The following IGFL4 variants were observed in gnomAD, a reference collection of about 807,000 sequenced individuals.
IGFL4 encodes insulin growth factor-like family member 4.
In IGFL4, 12 loss-of-function variants were observed where a neutral mutation model predicts 15.4. The ratio of observed to expected loss-of-function variants is 0.78; its 90% CI spans 0.50 to 1.26. The LOEUF is 1.26. IGFL4 is among the 50% of genes most tolerant of loss of function. IGFL4 has a pLI of 0.00. For synonymous variants in IGFL4, 54 were observed against 55.9 expected (o/e 0.97, Z 0.16); for missense variants, 126 against 147.8 (o/e 0.85, Z 0.76).
At chr19:46,048,945 G>T (rs764029311) in intron 2 of IGFL4, among the ~76,000 whole-genome samples, 13 of 152,008 alleles carry the variant, frequency 8.6e-5, no homozygotes, top group Admixed American at 4.6e-4. Context: ...AACCAAAAAA[G>T]AGCCCAAATA....
chr19:46,062,097 A>G (rs1969450812), intron 1 of IGFL4, among the ~76,000 whole-genome samples: 1 of 152,176 alleles, frequency 6.6e-6, no homozygotes, highest in Non-Finnish European at 1.5e-5. Context: ...TTTCCCAAGG[A>G]GTTCCATGAT....
At chr19:46,057,076 T>C (rs1969400007) in intron 2 of IGFL4, among the ~76,000 whole-genome samples, 2 of 152,208 alleles carry the variant, frequency 1.3e-5, no homozygotes, top group South Asian at 4.1e-4. Flanking sequence ...AAAGTACATC[T>C]GAATATGAGA....
At chr19:46,043,879 A>C (rs573214408), upstream of IGFL4, among the ~76,000 whole-genome samples, 3 of 152,338 alleles carry the variant, frequency 2.0e-5, no homozygotes, top group South Asian at 6.2e-4. Context: ...AGATACAAAA[A>C]ACATTGTCCA....
chr19:46,045,443 C>CA (rs34422465), upstream of IGFL4, among the ~76,000 whole-genome samples: 7,283 of 100,830 alleles, frequency 0.072, 349 homozygotes, highest in African/African-American at 0.12. Context: ...AACTCTGTCT[C>CA]AAAAAAAAAA....
chr19:46,039,581 G>T lies in IGFL4; in HGVS notation c.*311C>A, dbSNP rs892996626. ...CTTTTATTTCCTTGAGCAGTGGTTT[G>T]TAGTTCTCCTTGAAGAGGTCCTTCA... On this transcript the variant is annotated 3_prime_UTR_variant, in exon 4 of 4. Coordinates refer to ENST00000377697, the MANE Select transcript of IGFL4 (RefSeq NM_001002923.3). Among the ~76,000 whole-genome samples, 3 of 144,364 alleles carry T rather than the reference G, an allele frequency of 2.1e-5. No homozygotes were observed. Among genetic ancestry groups the T allele is most frequent in the Admixed American group, 1.4e-4 (2 of 14,222 alleles). 94.7% of individuals were successfully genotyped at this position (144,364 alleles called of 152,430 possible).
upstream of IGFL4, among the ~76,000 whole-genome samples, chr19:46,045,821 A>C (rs907739341): frequency 6.6e-6 from 1 of 152,188 alleles, no homozygotes; most frequent in Non-Finnish European, 1.5e-5. Flanking sequence ...GGAAATTGGA[A>C]CCAAGTTGGA....
At position 46,076,668 on chromosome 19, in the gene IGFL4, T is replaced by TTATAAATACATTATTTATAATAAA. The variant is rs201821557; in HGVS notation, c.-432+328_-432+351dup. Among the ~76,000 whole-genome samples the TTATAAATACATTATTTATAATAAA allele has an allele frequency of 4.7e-3, 691 of 148,140 alleles. 1 individual carries two copies. The highest frequency in any genetic ancestry group is 0.014 in the African/African-American group (578 of 40,752). ...AATATAAATATATTATTTAGTTTTA[T>TTATAAATACATTATTTATAATAAA]TATAAATACATTATTTATAATAAAT... On this transcript the variant is annotated intron_variant, in intron 1 of 5. Transcript: ENST00000601672.
At chr19:46,064,433 T>C (rs1969475706) in intron 1 of IGFL4, among the ~76,000 whole-genome samples, 1 of 152,096 alleles carries the variant, frequency 6.6e-6, no homozygotes, top group African/African-American at 2.4e-5. Flanking sequence ...TAACCATCCC[T>C]CCTACCCTCA....
At chr19:46,063,131 C>A (rs1969461139) in intron 1 of IGFL4, among the ~76,000 whole-genome samples, 1 of 152,104 alleles carries the variant, frequency 6.6e-6, no homozygotes, top group South Asian at 2.1e-4. Flanking sequence ...ACGACCTTTA[C>A]TCATGTATGA....
chr19:46,059,128 G>C (rs141250617), intron 2 of IGFL4: 2 of 152,162 alleles, frequency 1.3e-5, no homozygotes, highest in African/African-American at 4.8e-5. Context: ...CTGTTTTATC[G>C]GCAAGGTCTT....
At chr19:46,063,996 C>T (rs958718644) in intron 1 of IGFL4, among the ~76,000 whole-genome samples, 18 of 151,200 alleles carry the variant, frequency 1.2e-4, no homozygotes, top group South Asian at 2.1e-4. Context: ...CGCTTGAACC[C>T]GGGAGGCGGA....
chr19:46,039,707 G>T lies in IGFL4; in HGVS notation c.*185C>A, dbSNP rs1969216393. The T allele has an allele frequency of 1.9e-6, 1 of 533,374 alleles. No homozygotes were observed. Among genetic ancestry groups the T allele is most frequent in the Admixed American group, 2.7e-5 (1 of 36,830 alleles). 33.0% of individuals were successfully genotyped at this position (533,374 alleles called of 1,614,324 possible). A position where few individuals can be genotyped will look rare whatever the true frequency, so the allele number is the denominator to read the frequency against. On this transcript the variant is annotated 3_prime_UTR_variant, in exon 4 of 4. Transcript: ENST00000377697. ...GGCTCTCTGTTTGTCTGTTGTTGGT[G>T]TATAAGAATGCTTGTGATTTTTGTA...
chr19:46,055,219 C>T (rs1969381891), intron 2 of IGFL4, among the ~76,000 whole-genome samples: 1 of 152,138 alleles, frequency 6.6e-6, no homozygotes, highest in Non-Finnish European at 1.5e-5. Context: ...TTGATAACAG[C>T]AGATTTGTTC....
intron 2 of IGFL4, chr19:46,058,875 G>A (rs1233853260): frequency 1.3e-5 from 2 of 152,164 alleles, no homozygotes; most frequent in Non-Finnish European, 1.5e-5. Flanking sequence ...TATCACAAGG[G>A]GTGGATTATT....
chr19:46,049,151 G>T (rs901326599), intron 2 of IGFL4, among the ~76,000 whole-genome samples: 1 of 152,174 alleles, frequency 6.6e-6, no homozygotes, highest in Non-Finnish European at 1.5e-5. Context: ...CAGATAGGAG[G>T]CAGGACTAAC....
chr19:46,056,310 G>T (rs1190817920), intron 2 of IGFL4, among the ~76,000 whole-genome samples: 2 of 152,186 alleles, frequency 1.3e-5, no homozygotes, highest in African/African-American at 4.8e-5. Context: ...TTGTCTAGTG[G>T]TTACAACATT....
At chr19:46,075,672 G>A (rs1969588904) in intron 1 of IGFL4, among the ~76,000 whole-genome samples, 1 of 152,020 alleles carries the variant, frequency 6.6e-6, no homozygotes, top group Admixed American at 6.6e-5. Context: ...TGGCTGATGT[G>A]GTATTTTTCT....
chr19:46,071,128 G>A (rs556140792), intron 1 of IGFL4, among the ~76,000 whole-genome samples: 27 of 150,410 alleles, frequency 1.8e-4, no homozygotes, highest in African/African-American at 6.7e-4. Context: ...CAAAAGACAT[G>A]ATCCTGTTTT....
chr19:46,070,145 A>ATTTT (rs11412709), intron 1 of IGFL4, among the ~76,000 whole-genome samples: 21 of 148,614 alleles, frequency 1.4e-4, no homozygotes, highest in African/African-American at 4.9e-4. Flanking sequence ...AATCTCTAAG[A>ATTTT]TTTTTTTTTT....
Sources: gnomAD v4.1 joint callset for allele counts (sites outside exome capture counted in the v4.1 genomes callset) on GRCh38, gnomAD v4.1.1 for gene constraint, MANE v1.5 for transcripts, NCBI Gene and HGNC (gene_info 2026-07-23, HGNC 2026-07-21) for gene names.